The following LOC102723971 variants were observed in gnomAD, a reference collection of about 807,000 sequenced individuals.
At chr9:135,618,656 T>C in the LOC102723971 span, among the ~76,000 whole-genome samples, 1 of 150,830 alleles carries the variant, frequency 6.6e-6, no homozygotes, top group South Asian at 2.1e-4. Context: ...GGAAGATGGG[T>C]CATGCAGCTG....
the LOC102723971 span, among the ~76,000 whole-genome samples, chr9:135,618,639 G>A: frequency 2.0e-5 from 3 of 151,738 alleles, no homozygotes; most frequent in African/African-American, 4.8e-5. Flanking sequence ...AGGGAGGAAG[G>A]CTCCCTGGAA....
At chr9:135,616,458 G>A in the LOC102723971 span, 3 of 396,004 alleles carry the variant, frequency 7.6e-6, no homozygotes, top group African/African-American at 2.1e-5. Flanking sequence ...GAGGACAGGA[G>A]GGCTCTCAGC....
chr9:135,615,123 G>A, the LOC102723971 span, among the ~76,000 whole-genome samples: 1 of 152,196 alleles, frequency 6.6e-6, no homozygotes, highest in Non-Finnish European at 1.5e-5. Context: ...ACCACCTGCT[G>A]ACCATGCTCA....
At chr9:135,615,611 C>G in the LOC102723971 span, 1 of 397,610 alleles carries the variant, frequency 2.5e-6, no homozygotes, top group Non-Finnish European at 4.4e-6. Context: ...AGCTGAGGCC[C>G]AAGACCCCGC....
At chr9:135,619,615 C>A in the LOC102723971 span, among the ~76,000 whole-genome samples, 1 of 152,134 alleles carries the variant, frequency 6.6e-6, no homozygotes, top group Non-Finnish European at 1.5e-5. Flanking sequence ...CCCAGCGGGG[C>A]TGCCAGGTAA....
chr9:135,618,926 T>C, the LOC102723971 span: 1 of 399,064 alleles, frequency 2.5e-6, no homozygotes, highest in Non-Finnish European at 4.4e-6. Flanking sequence ...TCTTTTCTGC[T>C]CCACAGGCCC....
chr9:135,616,459 G>A, the LOC102723971 span: 3 of 396,058 alleles, frequency 7.6e-6, no homozygotes, highest in African/African-American at 6.2e-5. Context: ...AGGACAGGAG[G>A]GCTCTCAGCT....
chr9:135,615,338 C>G, the LOC102723971 span: 1 of 398,514 alleles, frequency 2.5e-6, no homozygotes, highest in East Asian at 3.6e-5. Flanking sequence ...CTGGCCTCCT[C>G]TGCCCCGGCC....
At chr9:135,618,902 A>G in the LOC102723971 span, 1 of 398,720 alleles carries the variant, frequency 2.5e-6, no homozygotes, top group Non-Finnish European at 4.4e-6. Context: ...AAGTCCTCAG[A>G]ATCACCACCT....
the LOC102723971 span, chr9:135,615,287 AC>A: frequency 1.5e-5 from 6 of 394,216 alleles, no homozygotes; most frequent in East Asian, 2.2e-4. Context: ...CCCGGCCCAC[AC>A]CCCTGCATGT....
At chr9:135,619,851 C>T in the LOC102723971 span, among the ~76,000 whole-genome samples, 2 of 126,826 alleles carry the variant, frequency 1.6e-5, no homozygotes, top group African/African-American at 6.1e-5. Context: ...GTGAGGCCTT[C>T]TCCCCCTTCT....
chr9:135,615,405 C>A, the LOC102723971 span: 3 of 398,744 alleles, frequency 7.5e-6, no homozygotes, highest in Non-Finnish European at 1.3e-5. Flanking sequence ...GCCAACCACG[C>A]AGACCTGGTC....
chr9:135,616,747 C>T, the LOC102723971 span: 3 of 398,592 alleles, frequency 7.5e-6, no homozygotes, highest in East Asian at 1.1e-4. Flanking sequence ...CCGGCCGCAA[C>T]ACTCAGAAGG....
At chr9:135,617,906 G>C in the LOC102723971 span, 4 of 398,554 alleles carry the variant, frequency 1.0e-5, no homozygotes, top group Non-Finnish European at 1.8e-5. Context: ...AAAGACAGAG[G>C]CTCCAGGCCT....
the LOC102723971 span, among the ~76,000 whole-genome samples, chr9:135,616,213 A>G: frequency 6.6e-6 from 1 of 152,146 alleles, no homozygotes; most frequent in East Asian, 1.9e-4. Context: ...GCAAGTGGGG[A>G]CAGGCAGGAC....
the LOC102723971 span, among the ~76,000 whole-genome samples, chr9:135,618,237 T>C: frequency 5.9e-3 from 899 of 152,214 alleles, 6 homozygotes; most frequent in Non-Finnish European, 8.1e-3. Flanking sequence ...ATGGGTCCAA[T>C]GCCGTCTCCA....
chr9:135,614,807 C>T, the LOC102723971 span, among the ~76,000 whole-genome samples: 1 of 152,078 alleles, frequency 6.6e-6, no homozygotes, highest in African/African-American at 2.4e-5. Flanking sequence ...CCCTGGGGTC[C>T]TGGTGCTGCT....
At chr9:135,616,044 C>T in the LOC102723971 span, among the ~76,000 whole-genome samples, 62 of 152,326 alleles carry the variant, frequency 4.1e-4, no homozygotes, top group African/African-American at 1.3e-3. Context: ...GTAGACACAC[C>T]GCACGGTGGC....
At chr9:135,615,507 G>A in the LOC102723971 span, 9 of 398,628 alleles carry the variant, frequency 2.3e-5, no homozygotes, top group African/African-American at 6.2e-5. Flanking sequence ...AAGTAAGCAC[G>A]GCTCCTGCCG....
Sources: gnomAD v4.1 joint callset for allele counts (sites outside exome capture counted in the v4.1 genomes callset) on GRCh38, gnomAD v4.1.1 for gene constraint, MANE v1.5 for transcripts.